The following GRIA4 variants were observed in gnomAD, a reference collection of about 807,000 sequenced individuals.
The protein encoded by GRIA4 is glutamate ionotropic receptor AMPA type subunit 4, also known as glutamate receptor 4.
In GRIA4, 34 loss-of-function variants were observed where a neutral mutation model predicts 104.0. The ratio of observed to expected loss-of-function variants is 0.33; its 90% CI spans 0.25 to 0.44. The LOEUF is 0.44. Ranked by LOEUF, GRIA4 falls within the 20% of genes least tolerant of loss-of-function variation. The pLI, the probability that GRIA4 is intolerant of heterozygous loss-of-function variation, is 1.00. For synonymous variants in GRIA4, 386 were observed against 381.9 expected, an observed-to-expected ratio of 1.01 and a Z score of -0.13; for missense variants, 750 against 1,096.5, an observed-to-expected ratio of 0.68 and a Z score of 4.46.
At chr11:105,857,198 A>G (rs1460604976) in intron 4 of GRIA4, among the ~76,000 whole-genome samples, 1 of 152,084 alleles carries the variant, frequency 6.6e-6, no homozygotes, top group East Asian at 1.9e-4. Context: ...AATCTACTCT[A>G]CAGTTCCAGC....
intron 4 of GRIA4, chr11:105,797,679 G>A: frequency 3.0e-6 from 1 of 331,190 alleles, no homozygotes; most frequent in Non-Finnish European, 6.1e-6. Context: ...TACCTTTTCT[G>A]AAACTATAAT....
At chr11:105,827,863 C>T (rs957366904) in intron 4 of GRIA4, among the ~76,000 whole-genome samples, 8 of 151,998 alleles carry the variant, frequency 5.3e-5, no homozygotes, top group Non-Finnish European at 1.2e-4. Flanking sequence ...ACTAAATTTG[C>T]TTTTTATGTA....
At chr11:105,612,708 A>C in intron 3 of GRIA4, 1 of 319,434 alleles carries the variant, frequency 3.1e-6, no homozygotes, top group Non-Finnish European at 5.7e-6. Flanking sequence ...TGTCTAGATC[A>C]TTCAAGTTAA....
chr11:105,965,068 A>C (rs1197724035), intron 14 of GRIA4, among the ~76,000 whole-genome samples: 2 of 152,034 alleles, frequency 1.3e-5, no homozygotes, highest in African/African-American at 2.4e-5. Flanking sequence ...CCGCCTCCCA[A>C]AGTGCTGGGA....
At chr11:105,611,531 A>T (rs150171033) in intron 2 of GRIA4, among the ~76,000 whole-genome samples, 1 of 152,290 alleles carries the variant, frequency 6.6e-6, no homozygotes, top group East Asian at 1.9e-4. Flanking sequence ...TGTTTGAGGA[A>T]AAAGACATTT....
At chr11:105,770,623 A>C (rs1446355893) in intron 4 of GRIA4, among the ~76,000 whole-genome samples, 2 of 152,046 alleles carry the variant, frequency 1.3e-5, no homozygotes, top group Non-Finnish European at 2.9e-5. Context: ...GGAGAAAAGC[A>C]AAAAACGGGA....
intron 3 of GRIA4, among the ~76,000 whole-genome samples, chr11:105,739,720 A>C (rs1939190330): frequency 6.6e-6 from 1 of 152,174 alleles, no homozygotes; most frequent in South Asian, 2.1e-4. Context: ...GGAGCTTATC[A>C]TTTTAACATC....
chr11:105,754,400 A>C (rs914073160), intron 4 of GRIA4, among the ~76,000 whole-genome samples: 4 of 152,238 alleles, frequency 2.6e-5, no homozygotes, highest in African/African-American at 9.6e-5. Context: ...GAGCCATAAC[A>C]TTGAGTTTGA....
chr11:105,723,430 C>G lies in GRIA4; in HGVS notation c.248-29551C>G, dbSNP rs149980334. ...GGTTTTTTTCCAGAATAAAATATAT[C>G]AGCATATCTGATGTAAAATAACGAT... On this transcript the variant is annotated intron_variant, in intron 3 of 16. Coordinates refer to ENST00000282499, the MANE Select transcript of GRIA4 (RefSeq NM_000829.4). Among the ~76,000 whole-genome samples the G allele has an allele frequency of 1.2e-3, 185 of 152,024 alleles. 2 individuals are homozygous for G. In the East Asian group the frequency reaches 0.012, roughly 10 times the overall value.
chr11:105,657,317 G>A (rs891466444), intron 3 of GRIA4, among the ~76,000 whole-genome samples: 3 of 151,700 alleles, frequency 2.0e-5, no homozygotes, highest in African/African-American at 7.3e-5. Context: ...CGAAGTCACC[G>A]CTAAGTAACT....
intron 3 of GRIA4, among the ~76,000 whole-genome samples, chr11:105,673,730 T>A (rs1952447094): frequency 6.6e-6 from 1 of 152,032 alleles, no homozygotes; most frequent in African/African-American, 2.4e-5. Flanking sequence ...ATTTTGAAGT[T>A]TCTCACATTT....
chr11:105,923,651 A>C (rs1250558114), intron 11 of GRIA4, among the ~76,000 whole-genome samples: 1 of 152,200 alleles, frequency 6.6e-6, no homozygotes, highest in Non-Finnish European at 1.5e-5. Context: ...AAACAAGCTC[A>C]GAAAAATTGC....
At chr11:105,684,123 C>G (rs1333248496) in intron 3 of GRIA4, among the ~76,000 whole-genome samples, 1 of 152,118 alleles carries the variant, frequency 6.6e-6, no homozygotes, top group Non-Finnish European at 1.5e-5. Context: ...ATCCACCCGC[C>G]TCGGCCTCCC....
chr11:105,848,236 G>A (rs951467751), intron 4 of GRIA4, among the ~76,000 whole-genome samples: 13 of 152,104 alleles, frequency 8.5e-5, no homozygotes, highest in African/African-American at 3.1e-4. Context: ...TATGAGAAGG[G>A]ACAGCAGGCA....
At chr11:105,639,553 A>G (rs1285262335) in intron 3 of GRIA4, among the ~76,000 whole-genome samples, 2 of 152,028 alleles carry the variant, frequency 1.3e-5, no homozygotes, top group East Asian at 3.8e-4. Context: ...TATATCTTAC[A>G]TATTCAATGT....
chr11:105,926,899 A>G lies in GRIA4; in HGVS notation c.2006A>G (p.Tyr669Cys). The change falls in exon 13 of 17, where the codon TAT becomes TGT. Residue 669 changes from tyrosine to cysteine, a missense_variant. Around this residue, in one of 3 missense-constraint regions of GRIA4, gnomAD observed 272 missense variants for 524.5 expected, o/e 0.52. Coordinates refer to ENST00000282499, the MANE Select transcript of GRIA4 (RefSeq NM_000829.4). ...CTGGCCAAACAAACAGAAATTGCCT[A>G]TGGAACACTGGATTCAGGATCAACA... The part of the protein sequence containing the change: ...EDLAKQTEIA[Y>C]GTLDSGSTKE... The G allele has an allele frequency of 1.2e-6, 2 of 1,612,046 alleles. No individual in the cohort carries two copies. The highest frequency in any genetic ancestry group is 1.7e-6 in the Non-Finnish European group (2 of 1,178,508).
At position 105,899,274 on chromosome 11, in the gene GRIA4, C is replaced by T. The variant is rs566855126; in HGVS notation, c.885+847C>T. On this transcript the variant is annotated intron_variant, in intron 7 of 16. Transcript: ENST00000282499. ...CCAGCTCAGCATACCATCTTCACTG[C>T]CTTATAAAATCACAGAATTTCAAAA... Among the ~76,000 whole-genome samples the T allele has an allele frequency of 2.0e-5, 3 of 152,274 alleles. 1 individual carries two copies. The South Asian group carries it at 6.2e-4, about 32-fold the overall frequency.
At chr11:105,819,650 G>A (rs1201729073) in intron 4 of GRIA4, among the ~76,000 whole-genome samples, 1 of 151,070 alleles carries the variant, frequency 6.6e-6, no homozygotes, top group Non-Finnish European at 1.5e-5. Flanking sequence ...AGGGGGTAAG[G>A]GTAGATAAAA....
intron 4 of GRIA4, among the ~76,000 whole-genome samples, chr11:105,852,665 G>C (rs564537039): frequency 7.2e-4 from 109 of 152,104 alleles, no homozygotes; most frequent in Non-Finnish European, 1.3e-3. Context: ...TTCACTCTCA[G>C]TCCCTGACAT....
Sources: allele counts gnomAD v4.1 joint callset (sites outside exome capture counted in the v4.1 genomes callset), GRCh38; gene constraint gnomAD v4.1.1; regional missense constraint gnomAD v4.1.1; transcripts MANE v1.5; gene names NCBI Gene and HGNC (gene_info 2026-07-23, HGNC 2026-07-21).